The following ITGAE variants were observed in gnomAD, a reference collection of about 807,000 sequenced individuals.
ITGAE encodes integrin subunit alpha E, also known as integrin alpha-E.
A neutral mutation model predicts 136.5 loss-of-function variants in ITGAE; 99 were observed. The observed-to-expected ratio is 0.73, with a 90% CI of 0.62 to 0.86. The LOEUF (loss-of-function observed/expected upper bound fraction) is 0.86. Among genes scored for constraint, ITGAE ranks in the 40% least tolerant of loss-of-function variants. The probability of loss-of-function intolerance (pLI) is 0.00; values close to 1 mark genes in which losing one functional copy is unlikely to be tolerated. For synonymous variants in ITGAE, 613 were observed against 591.8 expected (o/e 1.04, Z -0.52); for missense variants, 1,447 against 1,515.3 (o/e 0.95, Z 0.75).
chr17:3,784,191 C>A (rs1183099298), intron 1 of ITGAE, among the ~76,000 whole-genome samples: 2 of 151,746 alleles, frequency 1.3e-5, no homozygotes, highest in African/African-American at 4.8e-5. Context: ...ACCCGGGAGG[C>A]GGAGCTTGCA....
chr17:3,760,298 C>T lies in ITGAE; in HGVS notation c.599-11G>A. ...TGGCAATCTCGGTGCCTGGCCAAGA[C>T]AAACAGGTCAGGAGTGGGCATGGGA... On this transcript the variant is annotated splice_polypyrimidine_tract_variant and intron_variant, in intron 6 of 30. Transcript: ENST00000263087. The T allele has an allele frequency of 1.3e-6, 2 of 1,564,760 alleles. No individual in the cohort carries two copies. The highest frequency in any genetic ancestry group is 2.2e-5 in the South Asian group (2 of 89,690).
rs535444346 is a variant in ITGAE, at chr17:3,748,035, C to T, written c.2042G>A (p.Arg681His). ...AVVFRSRPVV[R>H]LKVSMAFTPS... ...GGTGAAGGCCATGGAGACCTTCAGG[C>T]GAACCACAGGCCGGGAGCTAAACAA... The change falls in exon 17 of 31, where the codon CGC (arginine) becomes CAC (histidine). Residue 681 changes from arginine to histidine, a missense_variant. Transcript: ENST00000263087. The T allele has an allele frequency of 4.0e-5, 65 of 1,611,440 alleles. No homozygotes were observed. The highest frequency in any genetic ancestry group is 1.2e-4 in the Admixed American group (7 of 59,912).
intron 2 of ITGAE, among the ~76,000 whole-genome samples, chr17:3,770,106 C>G (rs374344444): frequency 6.7e-6 from 1 of 149,174 alleles, no homozygotes; most frequent in Non-Finnish European, 1.5e-5. Context: ...GGGTTTATTT[C>G]TTTCTTTCTT....
At chr17:3,715,463 G>A (rs2050924338) in intron 30 of ITGAE, among the ~76,000 whole-genome samples, 1 of 152,170 alleles carries the variant, frequency 6.6e-6, no homozygotes, top group South Asian at 2.1e-4. Flanking sequence ...AGGGAAGACA[G>A]TGAGTGAAGT....
rs774249035 is a variant in ITGAE at position 3,745,813 on chromosome 17, C to A, written c.2270G>T (p.Ser757Ile). The A allele has an allele frequency of 1.2e-6, 2 of 1,614,148 alleles. No homozygotes were observed. The highest frequency in any genetic ancestry group is 2.2e-5 in the South Asian group (2 of 91,084). The change falls in exon 18 of 31, where the codon AGC becomes ATC. Residue 757 changes from serine to isoleucine, a missense_variant. Ser to Ile is a moderately radical substitution (Grantham distance 142). Around this residue, in one of 3 missense-constraint regions of ITGAE, gnomAD observed 1,031 missense variants for 1,011.4 expected, o/e 1.02. Transcript: ENST00000263087. ...SCLGCLREWS[S>I]GSQLCEDLLL... The stretch of plus-strand genomic sequence containing the variant: ...GAGGTCCTCACAAAGCTGGGATCCG[C>A]TGCTCCACTCCCTCAGGCAGCCCAG...
intron 28 of ITGAE, among the ~76,000 whole-genome samples, chr17:3,723,063 G>A (rs1455549965): frequency 6.6e-6 from 1 of 152,208 alleles, no homozygotes; most frequent in Non-Finnish European, 1.5e-5. Context: ...GGGGATGTAG[G>A]AAAGAGGAGT....
At chr17:3,726,203 G>T (rs1463502468) in intron 26 of ITGAE, 1 of 1,613,996 alleles carries the variant, frequency 6.2e-7, no homozygotes, top group Non-Finnish European at 8.5e-7. Context: ...TGAAACAAAT[G>T]ACCTTCAAGA....
chr17:3,790,464 A>G (rs542243798), intron 1 of ITGAE, among the ~76,000 whole-genome samples: 1 of 151,850 alleles, frequency 6.6e-6, no homozygotes, highest in East Asian at 1.9e-4. Flanking sequence ...CCGAGATCGC[A>G]CCACTGCACT....
In ITGAE at chr17:3,777,679, C is replaced by A. The variant is rs751938057; in HGVS notation, c.35-19G>T. The A allele has an allele frequency of 6.3e-7, 1 of 1,593,274 alleles. No individual in the cohort carries two copies. Among genetic ancestry groups the A allele is most frequent in the South Asian group, 1.1e-5 (1 of 89,898 alleles). On this transcript the variant is annotated intron_variant, in intron 1 of 30. Coordinates refer to ENST00000263087, the MANE Select transcript of ITGAE (RefSeq NM_002208.5). ...GCCAGGCCTGTAGGGAAAAGAGGAG[C>A]GTTTAATGAAAGAGGCCTTTTACTC...
chr17:3,726,256 TC>T, intron 26 of ITGAE: 7 of 1,614,102 alleles, frequency 4.3e-6, no homozygotes, highest in Non-Finnish European at 5.9e-6. Context: ...AAGAGAAAAA[TC>T]CAGGAGTTCC....
intron 1 of ITGAE, among the ~76,000 whole-genome samples, chr17:3,786,390 G>A (rs1350329424): frequency 1.3e-5 from 2 of 152,134 alleles, no homozygotes; most frequent in East Asian, 1.9e-4. Context: ...AACATTTAAA[G>A]AGAAATAATG....
At chr17:3,771,137 C>T (rs1386859265) in intron 2 of ITGAE, among the ~76,000 whole-genome samples, 3 of 151,688 alleles carry the variant, frequency 2.0e-5, no homozygotes, top group African/African-American at 7.3e-5. Context: ...AGGAGGTGCA[C>T]ATCAGTGCTA....
At chr17:3,773,149 G>A (rs1169612335) in intron 2 of ITGAE, among the ~76,000 whole-genome samples, 1 of 152,128 alleles carries the variant, frequency 6.6e-6, no homozygotes, top group East Asian at 1.9e-4. Context: ...TGCTAGAGTG[G>A]CTCAGAGAAC....
At chr17:3,727,209 C>T (rs1433655969) in intron 26 of ITGAE, among the ~76,000 whole-genome samples, 2 of 151,838 alleles carry the variant, frequency 1.3e-5, no homozygotes, top group African/African-American at 4.8e-5. Context: ...ACAGATGAGA[C>T]AACTGAAAGC....
At chr17:3,770,915 G>T (rs2052405962) in intron 2 of ITGAE, among the ~76,000 whole-genome samples, 1 of 152,130 alleles carries the variant, frequency 6.6e-6, no homozygotes, top group South Asian at 2.1e-4. Flanking sequence ...GTATTGGTGG[G>T]AGGGAACTAG....
intron 18 of ITGAE, among the ~76,000 whole-genome samples, chr17:3,745,208 C>T (rs1378497966): frequency 6.6e-6 from 1 of 152,068 alleles, no homozygotes; most frequent in Non-Finnish European, 1.5e-5. Context: ...ACATTCAGGC[C>T]CTCGGTCCTA....
chr17:3,732,510 A>G, intron 21 of ITGAE, 44 bp from the exon 22 acceptor site: 1 of 1,540,058 alleles, frequency 6.5e-7, no homozygotes, highest in South Asian at 1.1e-5. Context: ...GCCAAACAAA[A>G]CAAAACAAAA....
intron 1 of ITGAE, among the ~76,000 whole-genome samples, chr17:3,790,846 A>C (rs919008315): frequency 1.3e-5 from 2 of 152,090 alleles, no homozygotes; most frequent in Non-Finnish European, 2.9e-5. Flanking sequence ...TGCTTTGAAC[A>C]AACCAACTGT....
intron 1 of ITGAE, among the ~76,000 whole-genome samples, chr17:3,779,034 C>G (rs1266363067): frequency 1.3e-5 from 2 of 149,812 alleles, no homozygotes; most frequent in Non-Finnish European, 2.9e-5. Context: ...GGTTCTAGAA[C>G]CAGCAAAACT....
Sources: gnomAD v4.1 joint callset for allele counts (sites outside exome capture counted in the v4.1 genomes callset) on GRCh38, gnomAD v4.1.1 for gene constraint, gnomAD v4.1.1 regional missense constraint, MANE v1.5 for transcripts, NCBI Gene and HGNC (gene_info 2026-07-23, HGNC 2026-07-21) for gene names.